Variants in CCNL1 observed in about 807,000 individuals in gnomAD.
CCNL1 encodes cyclin-L1.
In CCNL1, 13 loss-of-function variants were observed where a neutral mutation model predicts 60.6. That is an observed-to-expected ratio of 0.21 (90% CI 0.14 to 0.34). CCNL1 has a LOEUF of 0.34. Ranked by LOEUF, CCNL1 falls within the 10% of genes least tolerant of loss-of-function variation. The pLI is 1.00. For synonymous variants in CCNL1, 270 were observed against 244.3 expected, an observed-to-expected ratio of 1.10 and a Z score of -0.98; for missense variants, 481 against 664.3, an observed-to-expected ratio of 0.72 and a Z score of 3.03.
chr3:157,153,317 T>C (rs1738340981), intron 3 of CCNL1, 161 bp from the exon 4 acceptor site: 1 of 612,650 alleles, frequency 1.6e-6, no homozygotes, highest in Admixed American at 3.2e-5. Context: ...GTCCAAGTTA[T>C]GCTAATTAAA....
At chr3:157,159,552 C>T in intron 1 of CCNL1, 73 bp from the exon 2 acceptor site, 4 of 1,390,512 alleles carry the variant, frequency 2.9e-6, no homozygotes, top group East Asian at 2.4e-5. Flanking sequence ...CCATTTTGTG[C>T]CGCCGATCGC....
At chr3:157,150,461 T>C (rs1371790290) in intron 5 of CCNL1, 80 bp from the exon 6 acceptor site, 1 of 1,516,056 alleles carries the variant, frequency 6.6e-7, no homozygotes, top group African/African-American at 1.4e-5. Context: ...AGACTCAATC[T>C]ACTTTATTCT....
chr3:157,145,264 G>A (rs879575708), downstream of CCNL1, among the ~76,000 whole-genome samples: 2 of 151,504 alleles, frequency 1.3e-5, no homozygotes, highest in Non-Finnish European at 2.9e-5. Flanking sequence ...GTGAAACCCC[G>A]TCTCTACTAA....
intron 3 of CCNL1, among the ~76,000 whole-genome samples, chr3:157,156,315 T>C (rs950296473): frequency 6.6e-5 from 10 of 152,212 alleles, no homozygotes; most frequent in African/African-American, 9.6e-5. Flanking sequence ...AGAAAGGTGG[T>C]AGACTAAATG....
At chr3:157,144,962 T>C (rs574033512), downstream of CCNL1, among the ~76,000 whole-genome samples, 10 of 152,338 alleles carry the variant, frequency 6.6e-5, no homozygotes, top group African/African-American at 2.2e-4. Flanking sequence ...GGGTTATAAG[T>C]GGCAATACTT....
chr3:157,148,028 G>A lies in CCNL1; in HGVS notation c.*213C>T. 1 of 1,325,058 alleles carries A rather than the reference G, an allele frequency of 7.5e-7. No individual in the cohort carries two copies. The highest frequency in any genetic ancestry group is 9.6e-7 in the Non-Finnish European group (1 of 1,041,682). 82.1% of individuals were successfully genotyped at this position (1,325,058 alleles called of 1,614,324 possible). A position where few individuals can be genotyped will look rare whatever the true frequency, so the allele number is the denominator to read the frequency against. ...ATAAAGTACAATTGAACCTGACCAT[G>A]GTTTTTAATTAGATACTGCTAGGGC... On this transcript the variant is annotated 3_prime_UTR_variant, in exon 11 of 11. Coordinates refer to ENST00000295926, the MANE Select transcript of CCNL1 (RefSeq NM_020307.4).
At chr3:157,158,816 C>G (rs1156352435) in intron 3 of CCNL1, 50 bp downstream of exon 3, 6 of 1,157,426 alleles carry the variant, frequency 5.2e-6, no homozygotes, top group Admixed American at 3.7e-5. Context: ...ATGACTGGTG[C>G]ACGGTACAGC....
rs758655745 is a variant in CCNL1 at position 157,149,577 on chromosome 3, T to C, written c.1041A>G (p.Lys347=). 6.2e-7 allele frequency: 1 copy of C among 1,613,664 alleles called. No individual in the cohort carries two copies. The highest frequency in any genetic ancestry group is 8.5e-7 in the Non-Finnish European group (1 of 1,179,784). ...TGGAGATTGGTGATTTCTCTTCAGC[T>C]TTTACTTCTCTTGGTGATGCTTTTA... ...ASKPSSPREV[K]AEEKSPISIN... is the part of the protein sequence containing the mutation. The change falls in exon 9 of 11, where the codon AAA becomes AAG. Residue 347 remains lysine, a synonymous_variant. Transcript: ENST00000295926.
Position 157,148,172 on chromosome 3 carries a change from A to G in CCNL1, c.*69T>C, listed in dbSNP as rs1737876517. The G allele has an allele frequency of 1.3e-6, 2 of 1,528,902 alleles. No individual in the cohort carries two copies. The highest frequency in any genetic ancestry group is 2.3e-5 in the East Asian group (1 of 44,112). The allele number at this position is 1,528,902 out of a possible 1,614,324, so 94.7% of individuals were successfully genotyped here. On this transcript the variant is annotated 3_prime_UTR_variant, in exon 11 of 11. Coordinates refer to ENST00000295926, the MANE Select transcript of CCNL1 (RefSeq NM_020307.4). The stretch of plus-strand genomic sequence containing the variant: ...AATCAGTTTGCGTTTAATGTTTTTG[A>G]TTGAGTCCATACATCACACTGTAGA...
chr3:157,147,865 A>G lies in CCNL1; in HGVS notation c.*376T>C. On this transcript the variant is annotated 3_prime_UTR_variant, in exon 11 of 11. Coordinates refer to ENST00000295926, the MANE Select transcript of CCNL1 (RefSeq NM_020307.4). ...TTACACATGCAGACAAACCAGTGTT[A>G]AGAAAGTATTCACCATCATTTAAAC... is the stretch of plus-strand genomic sequence containing the variant. 2 of 995,482 alleles carry G rather than the reference A, an allele frequency of 2.0e-6. No homozygotes were observed. Among genetic ancestry groups the G allele is most frequent in the Non-Finnish European group, 2.4e-6 (2 of 836,630 alleles). 61.7% of individuals were successfully genotyped at this position (995,482 alleles called of 1,614,324 possible).
In CCNL1 at chr3:157,153,127, T is replaced by C. The variant is rs1352151581; in HGVS notation, c.518A>G (p.Asn173Ser). The C allele has an allele frequency of 3.1e-6, 5 of 1,613,504 alleles. No individual in the cohort carries two copies. The highest frequency in any genetic ancestry group is 1.7e-5 in the Admixed American group (1 of 59,984). The part of the protein sequence containing the change: ...RTPSPLILDQ[N>S]YINTKNQVIK... ...AACTTGATTTTTGGTGTTAATGTAG[T>C]TCTGATCAAGGATCAGGGGGCTTGG... The change falls in exon 4 of 11, where the codon AAC becomes AGC. Residue 173 changes from asparagine (N) to serine (S), a missense_variant. By Grantham distance (46) the Asn-to-Ser change is conservative (BLOSUM62 1). Coordinates refer to ENST00000295926, the MANE Select transcript of CCNL1 (RefSeq NM_020307.4).
At position 157,147,779 on chromosome 3, in the gene CCNL1, T is replaced by C. The variant is rs1645283042; in HGVS notation, c.*462A>G. Reference sequence around the variant, plus strand: ...TTTCCTTTTTAATAATTTATTTAAATAAGGTATTTGAAGCAGTTTAGAAAA... The same window carrying C: ...TTTCCTTTTTAATAATTTATTTAAACAAGGTATTTGAAGCAGTTTAGAAAA... On this transcript the variant is annotated 3_prime_UTR_variant, in exon 11 of 11. Transcript: ENST00000295926. 1.0e-6 allele frequency: 1 copy of C among 978,532 alleles called. No individual in the cohort carries two copies. The highest frequency in any genetic ancestry group is 1.2e-6 in the Non-Finnish European group (1 of 823,402). The allele number at this position is 978,532 out of a possible 1,614,324, so 60.6% of individuals were successfully genotyped here. A position where few individuals can be genotyped will look rare whatever the true frequency, so the allele number is the denominator to read the frequency against.
chr3:157,153,416 C>T (rs1028396331), intron 3 of CCNL1: 26 of 336,316 alleles, frequency 7.7e-5, no homozygotes, highest in African/African-American at 5.5e-4. Context: ...TTCATCCCTG[C>T]CAACTTTTCC....
rs1250610808 is a variant in CCNL1 at position 157,160,120 on chromosome 3, C to A, written c.-26G>T. 10 of 1,528,988 alleles carry A rather than the reference C, an allele frequency of 6.5e-6. No homozygotes were observed. Among genetic ancestry groups the A allele is most frequent in the East Asian group, 2.5e-5 (1 of 40,744 alleles). The allele number at this position is 1,528,988 out of a possible 1,614,324, so 94.7% of individuals were successfully genotyped here. A position where few individuals can be genotyped will look rare whatever the true frequency, so the allele number is the denominator to read the frequency against. On this transcript the variant is annotated 5_prime_UTR_variant, in exon 1 of 11. Transcript: ENST00000295926. ...AGTCTTAGCGAGCCGCACGCAAGCCCAACGCAGCCGGAACCCGAAACAAGA... is the reference window on the plus strand; with the variant it reads ...AGTCTTAGCGAGCCGCACGCAAGCCAAACGCAGCCGGAACCCGAAACAAGA...
intron 8 of CCNL1, 112 bp from the exon 9 acceptor site, chr3:157,149,708 G>T: frequency 6.9e-7 from 1 of 1,454,952 alleles, no homozygotes; most frequent in Non-Finnish European, 9.4e-7. Context: ...TTGGTTGACT[G>T]CCATGAGAGA....
At chr3:157,157,104 G>GA (rs1171749986) in intron 3 of CCNL1, 21 of 1,289,258 alleles carry the variant, frequency 1.6e-5, no homozygotes, top group Admixed American at 4.6e-5. Flanking sequence ...GGTTGCAAGG[G>GA]AAAAAAGAGT....
intron 2 of CCNL1, 117 bp from the exon 3 acceptor site, chr3:157,159,092 G>A (rs1207540800): frequency 9.4e-5 from 66 of 703,382 alleles, no homozygotes; most frequent in Non-Finnish European, 1.4e-4. Flanking sequence ...TCTCTATGCC[G>A]TAAGTCTACC....
downstream of CCNL1, among the ~76,000 whole-genome samples, chr3:157,145,079 A>T (rs1479615400): frequency 6.6e-6 from 1 of 152,214 alleles, no homozygotes; most frequent in African/African-American, 2.4e-5. Flanking sequence ...CTGGTCTTTA[A>T]ACTAAAGATA....
downstream of CCNL1, among the ~76,000 whole-genome samples, chr3:157,145,163 G>A (rs1314072491): frequency 2.6e-5 from 4 of 152,098 alleles, no homozygotes; most frequent in Admixed American, 1.3e-4. Context: ...TTTGCCGGGC[G>A]CGGTGGCTCA....
Sources: allele counts gnomAD v4.1 joint callset (sites outside exome capture counted in the v4.1 genomes callset), GRCh38; gene constraint gnomAD v4.1.1; transcripts MANE v1.5; gene names NCBI Gene and HGNC (gene_info 2026-07-23, HGNC 2026-07-21).